The following KRAS variants were observed in gnomAD, a reference collection of about 807,000 sequenced individuals.
KRAS encodes the protein KRas proto-oncogene, GTPase, also known as GTPase KRas.
Under a neutral mutation model 21.0 loss-of-function variants are expected in KRAS, and 1 was observed. The ratio of observed to expected loss-of-function variants is 0.05; its 90% CI spans 0.02 to 0.23. KRAS has a LOEUF of 0.23. Among genes scored for constraint, KRAS ranks in the 10% least tolerant of loss-of-function variants. KRAS has a pLI of 1.00. For synonymous variants in KRAS, 67 were observed against 72.5 expected (o/e 0.92, Z 0.39); for missense variants, 107 against 221.8 (o/e 0.48, Z 3.29).
chr12:25,232,652 C>A (rs1951489381), intron 2 of KRAS, among the ~76,000 whole-genome samples: 1 of 152,054 alleles, frequency 6.6e-6, no homozygotes, highest in African/African-American at 2.4e-5. Flanking sequence ...TAATTTGTAG[C>A]CTTAGGAAAC....
intron 2 of KRAS, among the ~76,000 whole-genome samples, chr12:25,235,658 A>C (rs981812091): frequency 5.3e-5 from 8 of 152,180 alleles, no homozygotes; most frequent in African/African-American, 7.2e-5. Context: ...TGCATTAAGA[A>C]AGACGGGGAG....
Position 25,218,926 on chromosome 12 carries a change from TTTAAC to T in KRAS, c.450+6683_450+6687del, listed in dbSNP as rs767024781. ...ATTTTGTGGGGGTTTTTTGTTTTTT[TTTAAC>T]TTTTTCTTTTTTTGTTTTTTTTTTT... is the stretch of plus-strand genomic sequence containing the variant. On this transcript the variant is annotated intron_variant, in intron 4 of 4. Coordinates refer to ENST00000311936, the MANE Select transcript of KRAS (RefSeq NM_004985.5). Among the ~76,000 whole-genome samples the T allele has an allele frequency of 5.4e-4, 80 of 149,192 alleles. 1 individual carries two copies. The highest frequency in any genetic ancestry group is 2.4e-3 in the Admixed American group (35 of 14,668).
rs1453489958 is a variant in KRAS at position 25,205,674 on chromosome 12, T to C, written c.*4121A>G. 4.4e-6 allele frequency: 1 copy of C among 225,446 alleles called. No homozygotes were observed. The highest frequency in any genetic ancestry group is 8.8e-6 in the Non-Finnish European group (1 of 113,266). 14.0% of individuals were successfully genotyped at this position (225,446 alleles called of 1,614,324 possible). On this transcript the variant is annotated 3_prime_UTR_variant, in exon 5 of 5. Coordinates refer to ENST00000311936, the MANE Select transcript of KRAS (RefSeq NM_004985.5). ...TTCGGATAAAACACTGTAACCCAGTTAGCTCTGTGGGGGTGTGGGGGGAGA... is the reference window on the plus strand; with the variant it reads ...TTCGGATAAAACACTGTAACCCAGTCAGCTCTGTGGGGGTGTGGGGGGAGA...
Position 25,205,381 on chromosome 12 carries a change from G to A in KRAS, c.*4414C>T, listed in dbSNP as rs1386437062. 1 of 214,996 alleles carries A rather than the reference G, an allele frequency of 4.7e-6. No individual in the cohort carries two copies. Among genetic ancestry groups the A allele is most frequent in the African/African-American group, 2.3e-5 (1 of 44,354 alleles). The allele number at this position is 214,996 out of a possible 1,614,324, so 13.3% of individuals were successfully genotyped here. On this transcript the variant is annotated 3_prime_UTR_variant, in exon 5 of 5. Transcript: ENST00000311936. ...AAAGTTAATTTCAATTAAAAGAGTG[G>A]TCATTTTTAATGTTTGATATGACCA...
At chr12:25,243,483 T>C (rs1951637316) in intron 2 of KRAS, among the ~76,000 whole-genome samples, 1 of 152,196 alleles carries the variant, frequency 6.6e-6, no homozygotes, top group Non-Finnish European at 1.5e-5. Context: ...GGCTTAACTG[T>C]TAGCTTTATT....
In KRAS at chr12:25,207,594, A is replaced by T. The variant is rs1473355379; in HGVS notation, c.*2201T>A. 4.4e-6 allele frequency: 1 copy of T among 229,600 alleles called. No homozygotes were observed. The highest frequency in any genetic ancestry group is 6.2e-5 in the East Asian group (1 of 16,008). 14.2% of individuals were successfully genotyped at this position (229,600 alleles called of 1,614,324 possible). ...TCTGGTTACTAAAACAATGGAATGT[A>T]TTACTGTTACCAGGAGTAGTCCTAG... On this transcript the variant is annotated 3_prime_UTR_variant, in exon 5 of 5. Transcript: ENST00000311936.
At chr12:25,237,970 G>A (rs1204572871) in intron 2 of KRAS, among the ~76,000 whole-genome samples, 2 of 152,154 alleles carry the variant, frequency 1.3e-5, no homozygotes, top group African/African-American at 4.8e-5. Context: ...CAAATCACAG[G>A]GAAGGATAGC....
chr12:25,219,032 G>A (rs61762432), intron 4 of KRAS, among the ~76,000 whole-genome samples: 37 of 151,242 alleles, frequency 2.4e-4, no homozygotes, highest in Middle Eastern at 3.4e-3. Flanking sequence ...CGCCACCTCC[G>A]GGTTCAAGCG....
At chr12:25,218,122 A>G (rs1474675140) in intron 4 of KRAS, among the ~76,000 whole-genome samples, 1 of 152,170 alleles carries the variant, frequency 6.6e-6, no homozygotes, top group Admixed American at 6.5e-5. Flanking sequence ...TTGAAAATCA[A>G]TGTAAGAAAT....
rs181571160 is a variant in KRAS at position 25,243,749 on chromosome 12, T to C, written c.111+1525A>G. Reference sequence around the variant, plus strand: ...AACTTCCTTTTACATCTGATTTAAATAGTAGAGTCTGCCAAGTAACCCTGA... The same window carrying C: ...AACTTCCTTTTACATCTGATTTAAACAGTAGAGTCTGCCAAGTAACCCTGA... On this transcript the variant is annotated intron_variant, in intron 2 of 4. Coordinates refer to ENST00000311936, the MANE Select transcript of KRAS (RefSeq NM_004985.5). 7.9e-5 allele frequency among the ~76,000 whole-genome samples: 12 copies of C among 152,336 alleles called. No individual in the cohort carries two copies. The East Asian group carries it at 1.7e-3, about 22-fold the overall frequency.
chr12:25,249,790 G>C (rs757734955), intron 1 of KRAS, among the ~76,000 whole-genome samples: 1 of 152,068 alleles, frequency 6.6e-6, no homozygotes, highest in Non-Finnish European at 1.5e-5. Context: ...TAATACATAA[G>C]AAATAGGGGA....
At chr12:25,231,043 T>C (rs986473258) in intron 2 of KRAS, among the ~76,000 whole-genome samples, 2 of 150,784 alleles carry the variant, frequency 1.3e-5, no homozygotes, top group South Asian at 2.1e-4. Flanking sequence ...CTACAGAGCA[T>C]GTAAAGCTGA....
chr12:25,250,888 G>GCCGCCGCCGCTGCTGCCT lies in KRAS; in HGVS notation c.-167_-150dup, dbSNP rs1180093369. The GCCGCCGCCGCTGCTGCCT allele has an allele frequency of 4.0e-5, 10 of 247,372 alleles. No individual in the cohort carries two copies. The highest frequency in any genetic ancestry group is 1.1e-4 in the African/African-American group (5 of 44,526). 15.3% of individuals were successfully genotyped at this position (247,372 alleles called of 1,614,324 possible). ...CGCCGCCACCTTCGCCGCCGCCACT[G>GCCGCCGCCGCTGCTGCCT]CCGCCGCCGCTGCTGCCTCCGCCGC... On this transcript the variant is annotated 5_prime_UTR_variant, in exon 1 of 5. Coordinates refer to ENST00000311936, the MANE Select transcript of KRAS (RefSeq NM_004985.5).
At chr12:25,224,559 A>ATTAAAAAGT (rs1951366531) in intron 4 of KRAS, among the ~76,000 whole-genome samples, 1 of 152,308 alleles carries the variant, frequency 6.6e-6, no homozygotes, top group South Asian at 2.1e-4. Flanking sequence ...GTTAGGAAAA[A>ATTAAAAAGT]TTAAAAAGTT....
rs1411443581 is a variant in KRAS at position 25,206,704 on chromosome 12, C to T, written c.*3091G>A. 5.0e-6 allele frequency: 1 copy of T among 198,912 alleles called. No homozygotes were observed. Among genetic ancestry groups the T allele is most frequent in the African/African-American group, 2.3e-5 (1 of 43,424 alleles). The allele number at this position is 198,912 out of a possible 1,614,324, so 12.3% of individuals were successfully genotyped here. On this transcript the variant is annotated 3_prime_UTR_variant, in exon 5 of 5. Transcript: ENST00000311936. ...AGTGTTCCAAAGATCTGTAGTTTCA[C>T]ATAGCAATTCAGAAATCATAGTGAT...
chr12:25,216,149 G>A (rs1156273422), intron 4 of KRAS, among the ~76,000 whole-genome samples: 1 of 152,138 alleles, frequency 6.6e-6, no homozygotes, highest in Admixed American at 6.5e-5. Flanking sequence ...AGCTGAGACT[G>A]GGTCTTCTGT....
chr12:25,209,081 T>G lies in KRAS; in HGVS notation c.*714A>C. On this transcript the variant is annotated 3_prime_UTR_variant, in exon 5 of 5. Coordinates refer to ENST00000311936, the MANE Select transcript of KRAS (RefSeq NM_004985.5). The stretch of plus-strand genomic sequence containing the variant: ...TCCCCATTTCATACTGGGTCTGCCT[T>G]AACAGGAAAAGCTATTAGGAGTCTT... 2.3e-6 allele frequency: 1 copy of G among 435,920 alleles called. No individual in the cohort carries two copies. The allele number at this position is 435,920 out of a possible 1,614,324, so 27.0% of individuals were successfully genotyped here.
chr12:25,229,367 T>A (rs921223708), intron 2 of KRAS, among the ~76,000 whole-genome samples: 2 of 152,216 alleles, frequency 1.3e-5, no homozygotes, highest in Non-Finnish European at 2.9e-5. Flanking sequence ...AAGATTCTAA[T>A]GGCCTCATCC....
intron 2 of KRAS, 40 bp downstream of exon 2, chr12:25,245,233 TG>T: frequency 6.4e-7 from 1 of 1,563,378 alleles, no homozygotes; most frequent in Non-Finnish European, 8.7e-7. Context: ...TATCAAAGAA[TG>T]GTCCTGCACC....
Sources: gnomAD v4.1 joint callset for allele counts (sites outside exome capture counted in the v4.1 genomes callset) on GRCh38, gnomAD v4.1.1 for gene constraint, MANE v1.5 for transcripts, NCBI Gene and HGNC (gene_info 2026-07-23, HGNC 2026-07-21) for gene names.